Variants in COL27A1 observed in about 807,000 individuals in gnomAD.
COL27A1 encodes collagen type XXVII alpha 1 chain, also known as collagen alpha-1(XXVII) chain.
In COL27A1, 106 loss-of-function variants were observed where a neutral mutation model predicts 251.3. That is an observed-to-expected ratio of 0.42 (90% CI 0.36 to 0.50). COL27A1 has a LOEUF of 0.50. Ranked by LOEUF, COL27A1 falls within the 20% of genes least tolerant of loss-of-function variation. The pLI is 0.00. For synonymous variants in COL27A1, 1,000 were observed against 986.3 expected (o/e 1.01, Z -0.26); for missense variants, 2,325 against 2,522.8 (o/e 0.92, Z 1.68).
chr9:114,232,815 A>G (rs945256349), intron 16 of COL27A1, among the ~76,000 whole-genome samples: 1 of 152,212 alleles, frequency 6.6e-6, no homozygotes, highest in Non-Finnish European at 1.5e-5. Flanking sequence ...GCTCATGCCT[A>G]TAATCCCAGC....
intron 22 of COL27A1, among the ~76,000 whole-genome samples, chr9:114,243,011 C>T (rs1455522077): frequency 9.2e-5 from 14 of 152,132 alleles, no homozygotes; most frequent in East Asian, 1.9e-4. Context: ...GACAATATTG[C>T]GCGCCATGCA....
At chr9:114,275,865 C>A in intron 37 of COL27A1, 97 bp downstream of exon 37, 1 of 726,756 alleles carries the variant, frequency 1.4e-6, no homozygotes. Flanking sequence ...TTGGTCGTGC[C>A]ACTGAAGGAT....
intron 49 of COL27A1, among the ~76,000 whole-genome samples, chr9:114,298,135 A>T (rs201623280): frequency 8.2e-5 from 3 of 36,548 alleles, no homozygotes; most frequent in Non-Finnish European, 5.2e-5. Context: ...ACCCCATCTT[A>T]AAAAAAAAAA....
chr9:114,231,912 A>G, intron 16 of COL27A1, 46 bp downstream of exon 16: 1 of 1,586,574 alleles, frequency 6.3e-7, no homozygotes, highest in Non-Finnish European at 8.7e-7. Flanking sequence ...TCTGCATGCC[A>G]CCCCCCTCTC....
chr9:114,268,445 T>A (rs1373228388), intron 34 of COL27A1, among the ~76,000 whole-genome samples: 1 of 152,216 alleles, frequency 6.6e-6, no homozygotes, highest in African/African-American at 2.4e-5. Flanking sequence ...AGGGCCTTTA[T>A]GCAGGGGGCA....
Position 114,264,351 on chromosome 9 carries a change from C to A in COL27A1, c.3196-4C>A. Reference sequence around the variant, plus strand: ...GGTGTGCTAGTCCCTTTTTCCTATTCCAGGGCCCCCGAGGACCGGACGGAC... The same window carrying A: ...GGTGTGCTAGTCCCTTTTTCCTATTACAGGGCCCCCGAGGACCGGACGGAC... On this transcript the variant is annotated splice_region_variant and splice_polypyrimidine_tract_variant and intron_variant, in intron 28 of 60. Transcript: ENST00000356083. 6.3e-7 allele frequency: 1 copy of A among 1,591,862 alleles called. No homozygotes were observed. Among genetic ancestry groups the A allele is most frequent in the Non-Finnish European group, 8.6e-7 (1 of 1,168,272 alleles).
At chr9:114,219,991 T>C in intron 13 of COL27A1, 147 bp downstream of exon 13, 1 of 663,874 alleles carries the variant, frequency 1.5e-6, no homozygotes, top group South Asian at 1.7e-5. Flanking sequence ...ACAAATTACA[T>C]GACGTCTCTA....
At chr9:114,219,108 C>T (rs139689997) in intron 12 of COL27A1, among the ~76,000 whole-genome samples, 2,086 of 152,296 alleles carry the variant, frequency 0.014, 19 homozygotes, top group East Asian at 0.039. Flanking sequence ...GGCGTCCTTA[C>T]AGCTGATATT....
At chr9:114,310,439 A>AATAC (rs1829368782) in intron 60 of COL27A1, 110 bp from the exon 61 acceptor site, 1 of 1,192,426 alleles carries the variant, frequency 8.4e-7, no homozygotes, top group Non-Finnish European at 1.2e-6. Context: ...GCTACAATGA[A>AATAC]ATACAGTATA....
intron 16 of COL27A1, among the ~76,000 whole-genome samples, chr9:114,235,226 C>G: frequency 6.6e-6 from 1 of 152,322 alleles, no homozygotes; most frequent in African/African-American, 2.4e-5. Flanking sequence ...CCCTTGCACA[C>G]GCTGCCTTCA....
intron 16 of COL27A1, among the ~76,000 whole-genome samples, chr9:114,234,424 C>G (rs1322950852): frequency 6.6e-6 from 1 of 152,072 alleles, no homozygotes; most frequent in East Asian, 1.9e-4. Flanking sequence ...TTTTTCTCCC[C>G]ATTCTTCCTC....
chr9:114,253,089 G>A (rs1833651938), intron 27 of COL27A1, among the ~76,000 whole-genome samples, 157 bp downstream of exon 27: 1 of 152,138 alleles, frequency 6.6e-6, no homozygotes, highest in Non-Finnish European at 1.5e-5. Context: ...CCAAAACCTT[G>A]TCTCTACGGA....
In COL27A1 at chr9:114,168,350, C is replaced by A; in HGVS notation, c.795C>A (p.Ala265=). The A allele has an allele frequency of 6.2e-7, 1 of 1,613,424 alleles. No individual in the cohort carries two copies. The highest frequency in any genetic ancestry group is 8.5e-7 in the Non-Finnish European group (1 of 1,180,018). Reference sequence around the variant, plus strand: ...CTTTTACCTTCCAGTCCGACCTCGCCCTGCTAGGCCTGGAGAACTTGACCA... The same window carrying A: ...CTTTTACCTTCCAGTCCGACCTCGCACTGCTAGGCCTGGAGAACTTGACCA... ...GRPFTFQSDL[A]LLGLENLTTA... The change falls in exon 3 of 61, where the codon GCC becomes GCA. Residue 265 remains alanine (A), a synonymous_variant. Coordinates refer to ENST00000356083, the MANE Select transcript of COL27A1 (RefSeq NM_032888.4).
intron 4 of COL27A1, among the ~76,000 whole-genome samples, chr9:114,182,060 C>T (rs1017285138): frequency 1.3e-5 from 2 of 151,974 alleles, no homozygotes; most frequent in African/African-American, 4.8e-5. Context: ...CAGTTGGGGC[C>T]AGCTGCCGTG....
At chr9:114,265,226 C>T (rs1834655121) in intron 31 of COL27A1, 116 bp downstream of exon 31, 6 of 1,216,490 alleles carry the variant, frequency 4.9e-6, no homozygotes, top group Non-Finnish European at 6.0e-6. Flanking sequence ...GTGGAAACCC[C>T]GCAGGTTCTG....
chr9:114,258,003 G>A (rs2135557637), intron 27 of COL27A1, among the ~76,000 whole-genome samples: 1 of 152,174 alleles, frequency 6.6e-6, no homozygotes, highest in South Asian at 2.1e-4. Flanking sequence ...TTTGAGATCA[G>A]GCTGGTCAAG....
At chr9:114,245,801 C>A in intron 23 of COL27A1, 65 bp from the exon 24 acceptor site, 1 of 1,481,520 alleles carries the variant, frequency 6.7e-7, no homozygotes, top group South Asian at 1.1e-5. Flanking sequence ...AGGCCTGGGA[C>A]TTCCCCAGGA....
chr9:114,299,991 G>C, intron 49 of COL27A1, 79 bp from the exon 50 acceptor site: 1 of 1,375,232 alleles, frequency 7.3e-7, no homozygotes, highest in East Asian at 2.3e-5. Context: ...GGAAAAGGCA[G>C]GCCCTGAGGT....
chr9:114,224,008 A>G (rs1163490257), intron 14 of COL27A1, among the ~76,000 whole-genome samples: 2 of 152,212 alleles, frequency 1.3e-5, no homozygotes, highest in East Asian at 3.9e-4. Flanking sequence ...GGTGGGAGAG[A>G]GTGCTGCAAT....
Sources: allele counts gnomAD v4.1 joint callset (sites outside exome capture counted in the v4.1 genomes callset), GRCh38; gene constraint gnomAD v4.1.1; transcripts MANE v1.5; gene names NCBI Gene and HGNC (gene_info 2026-07-23, HGNC 2026-07-21).